Variants in SLC16A2 observed in about 807,000 individuals in gnomAD.
The protein encoded by SLC16A2 is monocarboxylate transporter 8.
In SLC16A2, 3 loss-of-function variants were observed where a neutral mutation model predicts 27.2. The ratio of observed to expected loss-of-function variants is 0.11; its 90% CI spans 0.05 to 0.28. The LOEUF (loss-of-function observed/expected upper bound fraction) is 0.28, where lower values mean the gene tolerates loss of function less well. Ranked by LOEUF, SLC16A2 falls within the 10% of genes least tolerant of loss-of-function variation. The pLI, the probability that SLC16A2 is intolerant of heterozygous loss-of-function variation, is 1.00. For synonymous variants in SLC16A2, 202 were observed against 187.8 expected, an observed-to-expected ratio of 1.08 and a Z score of -0.62; for missense variants, 295 against 458.5, an observed-to-expected ratio of 0.64 and a Z score of 3.26.
chrX:74,496,994 T>TA (rs1470407380), intron 1 of SLC16A2, among the ~76,000 whole-genome samples: 2 of 111,973 alleles, frequency 1.8e-5, no homozygotes, highest in Non-Finnish European at 3.8e-5. Flanking sequence ...CGCTCCTCTC[T>TA]GTGTTTAGCT....
At chrX:74,439,828 T>C (rs763579467) in intron 1 of SLC16A2, among the ~76,000 whole-genome samples, 6 of 109,761 alleles carry the variant, frequency 5.5e-5, no homozygotes, top group Admixed American at 4.9e-4. Context: ...GTATTGAGGT[T>C]TATAAGCAAG....
chrX:74,465,468 C>A (rs1333635932), intron 1 of SLC16A2, among the ~76,000 whole-genome samples: 1 of 111,144 alleles, frequency 9.0e-6, no homozygotes, highest in Admixed American at 9.6e-5. Flanking sequence ...CAGGTTCTTG[C>A]TGCTCTTGCC....
rs148649638 is a variant in SLC16A2 at position 74,529,181 on chromosome X, C to A, written c.1171-32C>A. 8.1e-4 allele frequency: 887 copies of A among 1,097,908 alleles called. 5 individuals carry two copies. In the African/African-American group the frequency reaches 0.014, roughly 18 times the overall value. 90.5% of individuals were successfully genotyped at this position (1,097,908 alleles called of 1,213,427 possible). A position where few individuals can be genotyped will look rare whatever the true frequency, so the allele number is the denominator to read the frequency against. ...ATGCTATGTGGTCTTGGCTGGCCAG[C>A]ACAACCTGACCTCAGGCCCTTGTTT... On this transcript the variant is annotated intron_variant, in intron 4 of 5. Transcript: ENST00000587091.
chrX:74,432,898 A>T (rs967932846), intron 1 of SLC16A2, among the ~76,000 whole-genome samples: 13 of 111,701 alleles, frequency 1.2e-4, no homozygotes, highest in Admixed American at 9.5e-5. Context: ...AAAAGGTATG[A>T]TGGTGAAAAG....
intron 5 of SLC16A2, 124 bp downstream of exon 5, chrX:74,529,565 A>G: frequency 2.0e-6 from 1 of 505,839 alleles, no homozygotes; most frequent in Non-Finnish European, 3.3e-6. Flanking sequence ...CAGCTTTGTC[A>G]GAGTGCGTGA....
rs77126990 is a variant in SLC16A2 at position 74,446,620 on chromosome X, A to AAAACAAAC, written c.430+24573_430+24580dup. Among the ~76,000 whole-genome samples the AAAACAAAC allele has an allele frequency of 5.5e-3, 583 of 106,842 alleles. 1 individual carries two copies. Among genetic ancestry groups the AAAACAAAC allele is most frequent in the African/African-American group, 0.018 (523 of 28,939 alleles). The allele number at this position is 106,842 out of a possible 115,157, so 92.8% of individuals were successfully genotyped here. The stretch of plus-strand genomic sequence containing the variant: ...GGGTGACAGAGTAAGACCCTGTTTC[A>AAAACAAAC]AAACAAACAAACAAACAAACAAACA... On this transcript the variant is annotated intron_variant, in intron 1 of 5. Transcript: ENST00000587091.
chrX:74,530,092 T>C (rs1349428378), intron 5 of SLC16A2, among the ~76,000 whole-genome samples: 1 of 22,135 alleles, frequency 4.5e-5, no homozygotes, highest in East Asian at 3.6e-4. Context: ...TCTTTTCTCT[T>C]TTTTTTTTTT....
At chrX:74,431,981 TTTGTTCCTCAG>T (rs2147838023) in intron 1 of SLC16A2, among the ~76,000 whole-genome samples, 1 of 111,933 alleles carries the variant, frequency 8.9e-6, no homozygotes, top group South Asian at 3.8e-4. Context: ...CTGTGTTTTC[TTTGTTCCTCAG>T]TTCTCTGAGA....
chrX:74,490,898 A>G (rs1929814982), intron 1 of SLC16A2, among the ~76,000 whole-genome samples: 1 of 111,816 alleles, frequency 8.9e-6, no homozygotes, highest in Non-Finnish European at 1.9e-5. Flanking sequence ...CCTAGGAGAA[A>G]AATAAAATAG....
chrX:74,529,788 A>G (rs1930539382), intron 5 of SLC16A2, among the ~76,000 whole-genome samples: 1 of 106,650 alleles, frequency 9.4e-6, no homozygotes, highest in African/African-American at 3.4e-5. Flanking sequence ...CAGGCAAGTG[A>G]TTATTTGCAA....
At chrX:74,438,471 A>G (rs914954272) in intron 1 of SLC16A2, among the ~76,000 whole-genome samples, 5 of 113,085 alleles carry the variant, frequency 4.4e-5, no homozygotes, top group African/African-American at 1.6e-4. Flanking sequence ...ACTTATATGT[A>G]CAAAACTACA....
rs753170095 is a variant in SLC16A2 at position 74,421,724 on chromosome X, A to AGAGCCGGAGTCT, written c.97_108dup (p.Ser33_Glu36dup). The AGAGCCGGAGTCT allele has an allele frequency of 1.7e-6, 2 of 1,172,928 alleles. No individual in the cohort carries two copies. Among genetic ancestry groups the AGAGCCGGAGTCT allele is most frequent in the Non-Finnish European group, 2.3e-6 (2 of 877,278 alleles). On this transcript the variant is annotated inframe_insertion, in exon 1 of 6. Coordinates refer to ENST00000587091, the MANE Select transcript of SLC16A2 (RefSeq NM_006517.5). ...AACAGCAGGAGCCGGTGGGTAGCCCAGAGCCGGAGTCTGAGCCGGAGCCTG... is the reference window on the plus strand; with the variant it reads ...AACAGCAGGAGCCGGTGGGTAGCCCAGAGCCGGAGTCTGAGCCGGAGTCTGAGCCGGAGCCTG...
chrX:74,497,878 C>A (rs374338772), intron 1 of SLC16A2, among the ~76,000 whole-genome samples: 2 of 108,951 alleles, frequency 1.8e-5, no homozygotes, highest in Admixed American at 2.0e-4. Context: ...GAAGGGGGAA[C>A]GAATGAGAAA....
intron 1 of SLC16A2, among the ~76,000 whole-genome samples, chrX:74,425,890 G>T (rs1022369861): frequency 8.9e-6 from 1 of 112,021 alleles, no homozygotes; most frequent in Non-Finnish European, 1.9e-5. Context: ...TCCCAAGGGG[G>T]GTCAAGGCTG....
chrX:74,447,965 G>A (rs918635250), intron 1 of SLC16A2, among the ~76,000 whole-genome samples: 1 of 111,058 alleles, frequency 9.0e-6, no homozygotes, highest in Non-Finnish European at 1.9e-5. Flanking sequence ...CAGCCTGGGC[G>A]ACAGAGTGAG....
intron 1 of SLC16A2, among the ~76,000 whole-genome samples, chrX:74,423,702 T>C (rs1170215150): frequency 8.9e-6 from 1 of 111,866 alleles, no homozygotes; most frequent in African/African-American, 3.3e-5. Context: ...ACCACCTTTT[T>C]CCCTGCTTTG....
intron 1 of SLC16A2, among the ~76,000 whole-genome samples, chrX:74,467,410 C>T (rs188732160): frequency 9.0e-5 from 10 of 110,990 alleles, no homozygotes; most frequent in Non-Finnish European, 1.7e-4. Context: ...TGTGAAAAGC[C>T]GGTCAAGACC....
chrX:74,480,440 C>T (rs1312048151), intron 1 of SLC16A2, among the ~76,000 whole-genome samples: 2 of 112,732 alleles, frequency 1.8e-5, no homozygotes, highest in African/African-American at 6.5e-5. Flanking sequence ...TTGCATGAGG[C>T]AAAGCCTCGC....
At chrX:74,501,401 G>A (rs993379999) in intron 1 of SLC16A2, among the ~76,000 whole-genome samples, 1 of 111,645 alleles carries the variant, frequency 9.0e-6, no homozygotes, top group African/African-American at 3.3e-5. Context: ...AGAGAACAAA[G>A]AGCCTAGGGT....
Sources: allele counts gnomAD v4.1 joint callset (sites outside exome capture counted in the v4.1 genomes callset), GRCh38; gene constraint gnomAD v4.1.1; transcripts MANE v1.5; gene names NCBI Gene and HGNC (gene_info 2026-07-23, HGNC 2026-07-21).